The following HAUS6 variants were observed in gnomAD, a reference collection of about 807,000 sequenced individuals.
HAUS6 encodes HAUS augmin-like complex subunit 6.
Under a neutral mutation model 106.8 loss-of-function variants are expected in HAUS6, and 80 were observed. The ratio of observed to expected loss-of-function variants is 0.75; its 90% CI spans 0.63 to 0.90. The LOEUF (loss-of-function observed/expected upper bound fraction) is 0.90. Ranked by LOEUF, HAUS6 falls within the 40% of genes least tolerant of loss-of-function variation. The probability of loss-of-function intolerance (pLI) is 0.00; values close to 1 mark genes in which losing one functional copy is unlikely to be tolerated. For missense variants in HAUS6, 1,155 were observed against 1,118.1 expected, an observed-to-expected ratio of 1.03 and a Z score of -0.47; for synonymous variants, 356 against 379.1, an observed-to-expected ratio of 0.94 and a Z score of 0.71.
chr9:19,068,247 C>G (rs990397610), intron 12 of HAUS6, among the ~76,000 whole-genome samples: 11 of 152,136 alleles, frequency 7.2e-5, no homozygotes, highest in Admixed American at 1.3e-4. Context: ...TTTACTATCT[C>G]TTAACACCAG....
chr9:19,058,342 C>A lies in HAUS6; in HGVS notation c.2425G>T (p.Gly809Cys). The change falls in exon 16 of 17, where the codon GGT becomes TGT. Residue 809 changes from glycine (G) to cysteine (C), a missense_variant. Gly to Cys is a radical substitution (Grantham distance 159). This residue lies in a region of HAUS6 where 380 missense variants were observed against 394.8 expected (regional missense o/e 0.96). Coordinates refer to ENST00000380502, the MANE Select transcript of HAUS6 (RefSeq NM_017645.5). Reference protein sequence around the residue: ...FKLEPNSPMHGGTLLEDVVGG... With the variant: ...FKLEPNSPMHCGTLLEDVVGG... ...ACAACATCTTCTAGAAGAGTGCCACCATGCATAGGACTATTTGGCTCCAGT... is the reference window on the plus strand; with the variant it reads ...ACAACATCTTCTAGAAGAGTGCCACAATGCATAGGACTATTTGGCTCCAGT... 6.2e-7 allele frequency: 1 copy of A among 1,613,830 alleles called. No homozygotes were observed.
chr9:19,070,090 T>C lies in HAUS6; in HGVS notation c.1376+129A>G, dbSNP rs1235109321. On this transcript the variant is annotated intron_variant, in intron 12 of 16. Coordinates refer to ENST00000380502, the MANE Select transcript of HAUS6 (RefSeq NM_017645.5). ...GTGCGTTTTTACAATCCTCTTGTAA[T>C]ACAGAAAAGTTCTCCAACTCCCCAA... 8 of 629,366 alleles carry C rather than the reference T, an allele frequency of 1.3e-5. No individual in the cohort carries two copies. The East Asian group carries it at 2.3e-4, about 18-fold the overall frequency. The allele number at this position is 629,366 out of a possible 1,614,324, so 39.0% of individuals were successfully genotyped here.
At chr9:19,095,844 T>C (rs970630489) in intron 2 of HAUS6, among the ~76,000 whole-genome samples, 5 of 152,144 alleles carry the variant, frequency 3.3e-5, no homozygotes, top group African/African-American at 1.2e-4. Flanking sequence ...CTTAAACTAA[T>C]ATTCAATAGC....
intron 1 of HAUS6, among the ~76,000 whole-genome samples, chr9:19,100,421 G>A (rs1817963455): frequency 6.6e-6 from 1 of 152,206 alleles, no homozygotes; most frequent in Non-Finnish European, 1.5e-5. Flanking sequence ...AGCATTTAAA[G>A]TGGACATGTG....
chr9:19,071,694 C>A (rs1836884720), intron 11 of HAUS6, among the ~76,000 whole-genome samples: 2 of 151,398 alleles, frequency 1.3e-5, no homozygotes, highest in South Asian at 4.2e-4. Flanking sequence ...CCACCTCAGC[C>A]TCAAAAGTAA....
intron 1 of HAUS6, among the ~76,000 whole-genome samples, chr9:19,099,134 T>TA (rs1403793085): frequency 6.7e-6 from 1 of 149,856 alleles, no homozygotes; most frequent in Non-Finnish European, 1.5e-5. Flanking sequence ...TGTAAGTGAA[T>TA]AAAAAATAAT....
At chr9:19,092,618 G>GGA (rs1197567689) in intron 4 of HAUS6, among the ~76,000 whole-genome samples, 5 of 55,008 alleles carry the variant, frequency 9.1e-5, no homozygotes, top group African/African-American at 4.0e-4. Context: ...CTCCGTCTCG[G>GGA]AAAAAAAAAA....
intron 12 of HAUS6, among the ~76,000 whole-genome samples, chr9:19,064,304 A>C (rs184233919): frequency 2.6e-5 from 4 of 152,256 alleles, no homozygotes; most frequent in Admixed American, 2.6e-4. Flanking sequence ...GATACTTCAT[A>C]TCCAAAATCA....
At chr9:19,100,608 AT>A (rs2082092002) in intron 1 of HAUS6, among the ~76,000 whole-genome samples, 2 of 152,348 alleles carry the variant, frequency 1.3e-5, no homozygotes, top group East Asian at 3.9e-4. Flanking sequence ...AGATCAGTAT[AT>A]GAAAGAGGCA....
intron 12 of HAUS6, among the ~76,000 whole-genome samples, chr9:19,063,970 A>T (rs886736078): frequency 1.1e-4 from 15 of 135,816 alleles, no homozygotes; most frequent in African/African-American, 2.4e-4. Flanking sequence ...CCTTTATTTT[A>T]TTTTTTTTTT....
At chr9:19,098,119 T>C (rs1817901741) in intron 1 of HAUS6, among the ~76,000 whole-genome samples, 1 of 152,208 alleles carries the variant, frequency 6.6e-6, no homozygotes, top group African/African-American at 2.4e-5. Flanking sequence ...AAGATATTTG[T>C]TGAAGATTTG....
chr9:19,094,092 G>A (rs1238351152), intron 3 of HAUS6, among the ~76,000 whole-genome samples: 3 of 152,158 alleles, frequency 2.0e-5, no homozygotes, highest in Non-Finnish European at 2.9e-5. Context: ...AAACGCTCAG[G>A]AACTCTAAAG....
chr9:19,098,589 G>T (rs1248653888), intron 1 of HAUS6, among the ~76,000 whole-genome samples: 1 of 152,074 alleles, frequency 6.6e-6, no homozygotes, highest in African/African-American at 2.4e-5. Flanking sequence ...CTTTAGTTCA[G>T]GCCTAAATAA....
At chr9:19,071,568 A>ATTT (rs1421720326) in intron 11 of HAUS6, among the ~76,000 whole-genome samples, 1 of 118,476 alleles carries the variant, frequency 8.4e-6, no homozygotes, top group African/African-American at 3.2e-5. Context: ...AAAGAAAAAT[A>ATTT]TTTTCTTTTT....
intron 1 of HAUS6, among the ~76,000 whole-genome samples, chr9:19,101,678 T>C (rs1817989902): frequency 6.6e-6 from 1 of 152,048 alleles, no homozygotes; most frequent in South Asian, 2.1e-4. Flanking sequence ...TCCCAGCACT[T>C]TGGGAGGCCG....
chr9:19,102,616 C>T lies in HAUS6; in HGVS notation c.36G>A (p.Glu12=). ...SSASVTAFEK[E]HLWMYLQALG... Reference sequence around the variant, plus strand: ...GCGCCTGCAGATACATCCAGAGATGCTCCTTCTCGAAAGCGGTGACCGAGG... The same window carrying T: ...GCGCCTGCAGATACATCCAGAGATGTTCCTTCTCGAAAGCGGTGACCGAGG... The change falls in exon 1 of 17, where the codon GAG becomes GAA. Residue 12 remains glutamate, a synonymous_variant. Transcript: ENST00000380502. The T allele has an allele frequency of 6.2e-7, 1 of 1,613,314 alleles. No homozygotes were observed.
At chr9:19,061,519 C>T (rs555484165) in intron 14 of HAUS6, among the ~76,000 whole-genome samples, 1 of 151,916 alleles carries the variant, frequency 6.6e-6, no homozygotes, top group African/African-American at 2.4e-5. Context: ...GAAACTAGAC[C>T]TCATGTTACA....
At chr9:19,076,552 G>T (rs775884089) in intron 11 of HAUS6, 50 bp downstream of exon 11, 3 of 815,418 alleles carry the variant, frequency 3.7e-6, no homozygotes, top group Non-Finnish European at 6.3e-6. Flanking sequence ...TAATGAAAAA[G>T]AATGACAGGA....
intron 11 of HAUS6, among the ~76,000 whole-genome samples, chr9:19,074,434 G>C (rs549464425): frequency 6.6e-6 from 1 of 152,048 alleles, no homozygotes; most frequent in Non-Finnish European, 1.5e-5. Flanking sequence ...ACCAGGCCTG[G>C]CTAATTTTTC....
Sources: allele counts gnomAD v4.1 joint callset (sites outside exome capture counted in the v4.1 genomes callset), GRCh38; gene constraint gnomAD v4.1.1; regional missense constraint gnomAD v4.1.1; transcripts MANE v1.5; gene names NCBI Gene and HGNC (gene_info 2026-07-23, HGNC 2026-07-21).